RBFOX1: variants seen among roughly 807,000 people sequenced by gnomAD.
The protein encoded by RBFOX1 is RNA binding fox-1 homolog 1.
In RBFOX1, 8 loss-of-function variants were observed where a neutral mutation model predicts 57.7. The ratio of observed to expected loss-of-function variants is 0.14; its 90% CI spans 0.08 to 0.25. RBFOX1 has a LOEUF of 0.25. RBFOX1 is among the 10% of genes least tolerant of loss of function. RBFOX1 has a pLI of 1.00. For missense variants in RBFOX1, 611 were observed against 548.5 expected (o/e 1.11, Z -1.14); for synonymous variants, 326 against 222.4 (o/e 1.47, Z -4.15).
intron 1 of RBFOX1, among the ~76,000 whole-genome samples, chr16:6,269,944 T>C (rs1162176759): frequency 6.6e-6 from 1 of 152,082 alleles, no homozygotes; most frequent in Non-Finnish European, 1.5e-5. Context: ...ATATTTTAAA[T>C]GGGGAGAGGA....
At chr16:7,228,226 G>T (rs1283582086) in intron 4 of RBFOX1, among the ~76,000 whole-genome samples, 2 of 149,164 alleles carry the variant, frequency 1.3e-5, no homozygotes, top group Non-Finnish European at 2.9e-5. Flanking sequence ...ATACATATTT[G>T]TTGAATGAAT....
At chr16:7,161,248 T>A (rs1046389852) in intron 4 of RBFOX1, among the ~76,000 whole-genome samples, 1 of 152,184 alleles carries the variant, frequency 6.6e-6, no homozygotes, top group Admixed American at 6.5e-5. Context: ...AGTGCTATGA[T>A]TGATTAATGA....
chr16:6,300,853 G>A (rs759544546), intron 1 of RBFOX1, among the ~76,000 whole-genome samples: 2 of 152,096 alleles, frequency 1.3e-5, no homozygotes, highest in Admixed American at 6.6e-5. Flanking sequence ...TTGTTTTGCT[G>A]TGCCTTCTAT....
At chr16:6,714,805 ATTTC>A (rs2064443591) in intron 3 of RBFOX1, among the ~76,000 whole-genome samples, 1 of 152,056 alleles carries the variant, frequency 6.6e-6, no homozygotes, top group Non-Finnish European at 1.5e-5. Flanking sequence ...AAACTGGCTT[ATTTC>A]TTTGAACCAC....
At chr16:5,721,132 A>G (rs1451868220) in intron 3 of RBFOX1, among the ~76,000 whole-genome samples, 1 of 152,120 alleles carries the variant, frequency 6.6e-6, no homozygotes, top group Non-Finnish European at 1.5e-5. Context: ...CAGCATGGAA[A>G]TTTTACATTT....
chr16:6,897,258 C>G (rs1479881048), intron 3 of RBFOX1, among the ~76,000 whole-genome samples: 1 of 152,162 alleles, frequency 6.6e-6, no homozygotes, highest in Non-Finnish European at 1.5e-5. Context: ...CCCGTCTTTA[C>G]TAAAAATACA....
At chr16:5,979,991 C>T (rs562661628) in intron 4 of RBFOX1, among the ~76,000 whole-genome samples, 1 of 152,332 alleles carries the variant, frequency 6.6e-6, no homozygotes, top group East Asian at 1.9e-4. Flanking sequence ...AGTCCAGACT[C>T]TTGCCTGCAG....
intron 3 of RBFOX1, among the ~76,000 whole-genome samples, chr16:7,032,776 G>C (rs902336040): frequency 6.6e-6 from 1 of 151,998 alleles, no homozygotes; most frequent in Admixed American, 6.6e-5. Context: ...CCCTCTATGA[G>C]ACACCCCCGC....
intron 4 of RBFOX1, among the ~76,000 whole-genome samples, chr16:7,175,074 G>C (rs768501229): frequency 6.6e-6 from 1 of 151,482 alleles, no homozygotes; most frequent in Non-Finnish European, 1.5e-5. Flanking sequence ...GGGTACATGT[G>C]CAGGATGTGC....
chr16:7,428,027 C>T (rs1392551126), intron 4 of RBFOX1, among the ~76,000 whole-genome samples: 1 of 152,174 alleles, frequency 6.6e-6, no homozygotes, highest in Non-Finnish European at 1.5e-5. Flanking sequence ...CCTATTTGCT[C>T]ATCCTAAAAG....
At chr16:6,007,133 C>T (rs1002097957) in intron 4 of RBFOX1, among the ~76,000 whole-genome samples, 2 of 152,184 alleles carry the variant, frequency 1.3e-5, no homozygotes, top group African/African-American at 4.8e-5. Flanking sequence ...ACTAAATGAT[C>T]CCTCTCTCCT....
intron 2 of RBFOX1, among the ~76,000 whole-genome samples, chr16:6,570,495 C>CTA (rs998208504): frequency 2.9e-4 from 44 of 151,548 alleles, no homozygotes; most frequent in South Asian, 4.2e-4. Context: ...TGTACTCTCT[C>CTA]TATATATATA....
intron 2 of RBFOX1, among the ~76,000 whole-genome samples, chr16:6,613,121 A>C (rs1344743666): frequency 6.6e-6 from 1 of 151,258 alleles, no homozygotes; most frequent in East Asian, 1.9e-4. Flanking sequence ...ATACTTTTGC[A>C]CTCGCGGTGC....
intron 3 of RBFOX1, among the ~76,000 whole-genome samples, chr16:6,716,044 G>T (rs1341326009): frequency 1.3e-5 from 2 of 152,086 alleles, no homozygotes; most frequent in Non-Finnish European, 2.9e-5. Context: ...ACGGTTTTGT[G>T]AGCTCACACT....
rs200169928 is a variant in RBFOX1 at position 6,299,375 on chromosome 16, G to GT, written c.-126-17619dup. Among the ~76,000 whole-genome samples, 1,324 of 152,300 alleles carry GT rather than the reference G, an allele frequency of 8.7e-3. 27 individuals are homozygous for GT. The highest frequency in any genetic ancestry group is 0.03 in the African/African-American group (1,240 of 41,562). The stretch of plus-strand genomic sequence containing the variant: ...AATTCTTTTAAATTCATCAATTCAT[G>GT]TAATTCTAAAAATAGCGTTTTGAGA... On this transcript the variant is annotated intron_variant, in intron 1 of 15. Transcript: ENST00000550418.
At chr16:7,696,335 T>G (rs1334012838) in intron 14 of RBFOX1, among the ~76,000 whole-genome samples, 1 of 152,098 alleles carries the variant, frequency 6.6e-6, no homozygotes, top group African/African-American at 2.4e-5. Context: ...AGGTCCTCAT[T>G]CAGTAACATC....
intron 4 of RBFOX1, among the ~76,000 whole-genome samples, chr16:7,431,026 G>A (rs535059244): frequency 6.6e-6 from 1 of 152,272 alleles, no homozygotes; most frequent in African/African-American, 2.4e-5. Flanking sequence ...TCAAACAGGA[G>A]TCTAAGCCCA....
intron 11 of RBFOX1, among the ~76,000 whole-genome samples, chr16:7,641,125 T>C (rs1040596356): frequency 6.6e-6 from 1 of 152,142 alleles, no homozygotes; most frequent in Non-Finnish European, 1.5e-5. Flanking sequence ...AGAGGCTGAA[T>C]CCAAGGGCAC....
At chr16:6,957,521 G>C (rs1039430273) in intron 3 of RBFOX1, among the ~76,000 whole-genome samples, 1 of 152,112 alleles carries the variant, frequency 6.6e-6, no homozygotes, top group Admixed American at 6.5e-5. Context: ...TCACCGTGCT[G>C]GGGGGAGTGT....
Sources: allele counts gnomAD v4.1 joint callset (sites outside exome capture counted in the v4.1 genomes callset), GRCh38; gene constraint gnomAD v4.1.1; transcripts MANE v1.5; gene names NCBI Gene and HGNC (gene_info 2026-07-23, HGNC 2026-07-21).